The following INPP4A variants were observed in gnomAD, a reference collection of about 807,000 sequenced individuals.
INPP4A encodes inositol polyphosphate-4-phosphatase, type I, 107kD.
INPP4A carries 33 observed loss-of-function variants against 119.8 expected under a neutral mutation model. The observed-to-expected ratio is 0.28, with a 90% CI of 0.21 to 0.37. The LOEUF (loss-of-function observed/expected upper bound fraction) is 0.37. Ranked by LOEUF, INPP4A falls within the 10% of genes least tolerant of loss-of-function variation. The pLI is 1.00. For missense variants in INPP4A, 956 were observed against 1,289.9 expected (o/e 0.74, Z 3.97); for synonymous variants, 496 against 500.7 (o/e 0.99, Z 0.12).
intron 1 of INPP4A, among the ~76,000 whole-genome samples, chr2:98,500,631 G>A (rs1682934307): frequency 6.6e-6 from 1 of 152,072 alleles, no homozygotes; most frequent in East Asian, 2.0e-4. Context: ...GGGGGTCAGT[G>A]GATGGGAACT....
rs775278736 is a variant in INPP4A at position 98,587,565 on chromosome 2, A to G, written c.2876A>G (p.His959Arg). 1 of 1,605,920 alleles carries G rather than the reference A, an allele frequency of 6.2e-7. No homozygotes were observed. The highest frequency in any genetic ancestry group is 1.1e-5 in the South Asian group (1 of 88,548). ...NSLQLKAFPK[H>R]YRPPEGTYGK... is the part of the protein sequence containing the mutation. The stretch of plus-strand genomic sequence containing the variant: ...CTGCAGCTGAAGGCTTTCCCCAAGC[A>G]TTACAGGCCTCCCGAAGGGACTTAC... Residue 959 changes from histidine to arginine, a missense_variant, in exon 25 of 25, where the codon CAT becomes CGT. This residue lies in a region of INPP4A where 304 missense variants were observed against 492.1 expected (regional missense o/e 0.62). Transcript: ENST00000409851.
intron 4 of INPP4A, among the ~76,000 whole-genome samples, chr2:98,532,951 G>A (rs1689517688): frequency 6.6e-6 from 1 of 152,214 alleles, no homozygotes; most frequent in African/African-American, 2.4e-5. Context: ...AGCACCATAT[G>A]CTCAGAGTCA....
intron 2 of INPP4A, 146 bp downstream of exon 2, chr2:98,519,171 T>C (rs1686702980): frequency 6.6e-6 from 1 of 152,268 alleles, no homozygotes; most frequent in South Asian, 2.1e-4. Flanking sequence ...TTGCTCAGTC[T>C]AATTATCTTA....
At chr2:98,494,152 G>A (rs1193499750) in intron 1 of INPP4A, among the ~76,000 whole-genome samples, 2 of 152,170 alleles carry the variant, frequency 1.3e-5, no homozygotes, top group African/African-American at 4.8e-5. Context: ...TGACCAAGAA[G>A]ACTGGGTTCC....
chr2:98,534,102 TTTC>T (rs1689746778), intron 5 of INPP4A, among the ~76,000 whole-genome samples: 3 of 152,344 alleles, frequency 2.0e-5, no homozygotes, highest in Middle Eastern at 3.4e-3. Context: ...TTAAACTGCA[TTTC>T]TTCTTCTTCA....
At chr2:98,482,585 C>A (rs1007234460) in intron 1 of INPP4A, among the ~76,000 whole-genome samples, 1 of 152,218 alleles carries the variant, frequency 6.6e-6, no homozygotes, top group Non-Finnish European at 1.5e-5. Context: ...CTTGTCACAC[C>A]TGCCAGAATG....
At position 98,457,714 on chromosome 2, in the gene INPP4A, C is replaced by T. The variant is rs144443571; in HGVS notation, c.-166+12629C>T. On this transcript the variant is annotated intron_variant, in intron 1 of 24. Coordinates refer to ENST00000409851, the MANE Select transcript of INPP4A (RefSeq NM_001134225.2). ...GTTTGGTTTATTAAAGCTGTTTGAG[C>T]TTGCTACTTAGGCAGGCCTAGAAAT... Among the ~76,000 whole-genome samples the T allele has an allele frequency of 2.8e-3, 423 of 152,310 alleles. 1 individual carries two copies. The highest frequency in any genetic ancestry group is 9.8e-3 in the African/African-American group (409 of 41,566).
rs1482968505 is a variant in INPP4A at position 98,594,386 on chromosome 2, AAACCC to A, written c.*6780_*6784del. ...TTTAACAGTAAAAATTAAATGTTTAAAACCCACCATTACTGAGAATGATGATTTCC... is the reference window on the plus strand; with the variant it reads ...TTTAACAGTAAAAATTAAATGTTTAAACCATTACTGAGAATGATGATTTCC... On this transcript the variant is annotated 3_prime_UTR_variant, in exon 25 of 25. Transcript: ENST00000409851. 1 of 152,174 alleles carries A rather than the reference AAACCC, an allele frequency of 6.6e-6. No individual in the cohort carries two copies. Among genetic ancestry groups the A allele is most frequent in the Non-Finnish European group, 1.5e-5 (1 of 68,032 alleles). The allele number at this position is 152,174 out of a possible 1,614,324, so 9.4% of individuals were successfully genotyped here.
intron 4 of INPP4A, among the ~76,000 whole-genome samples, chr2:98,527,706 C>T (rs1490251830): frequency 6.6e-6 from 1 of 152,194 alleles, no homozygotes; most frequent in African/African-American, 2.4e-5. Context: ...CCCCAGTATA[C>T]ACACAGGGAC....
At chr2:98,585,870 C>T (rs1391736553) in intron 24 of INPP4A, among the ~76,000 whole-genome samples, 1 of 152,216 alleles carries the variant, frequency 6.6e-6, no homozygotes, top group Non-Finnish European at 1.5e-5. Context: ...TGCCTCGCTC[C>T]TCACGGCAGT....
chr2:98,455,727 A>G (rs1337853570), intron 1 of INPP4A, among the ~76,000 whole-genome samples: 1 of 152,214 alleles, frequency 6.6e-6, no homozygotes, highest in East Asian at 1.9e-4. Flanking sequence ...ACAAGTGTCT[A>G]TTTAGGGAAG....
At chr2:98,477,908 G>A (rs116114977) in intron 1 of INPP4A, among the ~76,000 whole-genome samples, 2,608 of 152,294 alleles carry the variant, frequency 0.017, 79 homozygotes, top group African/African-American at 0.06. Context: ...TTTGAGTCAG[G>A]AGGACCACCA....
chr2:98,537,673 C>A (rs1472377449), intron 7 of INPP4A, among the ~76,000 whole-genome samples, 190 bp from the exon 8 acceptor site: 1 of 152,162 alleles, frequency 6.6e-6, no homozygotes, highest in Non-Finnish European at 1.5e-5. Flanking sequence ...CTCCACTGTG[C>A]CCCATGGTTT....
chr2:98,451,893 C>T (rs371410211), intron 1 of INPP4A, among the ~76,000 whole-genome samples: 3 of 152,136 alleles, frequency 2.0e-5, no homozygotes, highest in Non-Finnish European at 2.9e-5. Flanking sequence ...AAGCTTCTCC[C>T]TGGATTATGG....
Position 98,544,322 on chromosome 2 carries a change from G to A in INPP4A, c.949+315G>A, listed in dbSNP as rs115052806. Among the ~76,000 whole-genome samples the A allele has an allele frequency of 3.9e-3, 598 of 152,258 alleles. 6 individuals carry two copies. The highest frequency in any genetic ancestry group is 0.013 in the African/African-American group (557 of 41,548). On this transcript the variant is annotated intron_variant, in intron 11 of 24. Coordinates refer to ENST00000409851, the MANE Select transcript of INPP4A (RefSeq NM_001134225.2). ...TGAAATTTAGGGGAGGCGAAATCCCGGGCTATTACTGCTTCATGTTGTTTC... is the reference window on the plus strand; with the variant it reads ...TGAAATTTAGGGGAGGCGAAATCCCAGGCTATTACTGCTTCATGTTGTTTC...
intron 1 of INPP4A, among the ~76,000 whole-genome samples, chr2:98,476,775 G>A (rs968464835): frequency 1.3e-5 from 2 of 152,186 alleles, no homozygotes; most frequent in Non-Finnish European, 2.9e-5. Context: ...ATTCTCATGG[G>A]GCCCTCCAGC....
intron 1 of INPP4A, among the ~76,000 whole-genome samples, chr2:98,455,369 A>C (rs1231478817): frequency 6.6e-6 from 1 of 152,024 alleles, no homozygotes; most frequent in African/African-American, 2.4e-5. Context: ...GATACCCCAG[A>C]ATCTTCCAAA....
intron 17 of INPP4A, among the ~76,000 whole-genome samples, chr2:98,559,727 C>T (rs915272563): frequency 1.3e-5 from 2 of 152,220 alleles, no homozygotes; most frequent in Non-Finnish European, 2.9e-5. Flanking sequence ...TTTACTCTTA[C>T]ATTCTAAAGT....
chr2:98,541,171 C>T (rs1237366574), intron 10 of INPP4A, among the ~76,000 whole-genome samples: 11 of 151,966 alleles, frequency 7.2e-5, no homozygotes, highest in Admixed American at 7.2e-4. Context: ...ACTAAAAATA[C>T]AAAAAATTAG....
Sources: allele counts gnomAD v4.1 joint callset (sites outside exome capture counted in the v4.1 genomes callset), GRCh38; gene constraint gnomAD v4.1.1; regional missense constraint gnomAD v4.1.1; transcripts MANE v1.5; gene names NCBI Gene and HGNC (gene_info 2026-07-23, HGNC 2026-07-21).